The following CDH4 variants were observed in gnomAD, a reference collection of about 807,000 sequenced individuals.
CDH4 encodes the protein cadherin 4.
CDH4 carries 33 observed loss-of-function variants against 86.0 expected under a neutral mutation model. The ratio of observed to expected loss-of-function variants is 0.38; its 90% CI spans 0.29 to 0.51. The LOEUF (loss-of-function observed/expected upper bound fraction) is 0.51, where lower values mean the gene tolerates loss of function less well. Ranked by LOEUF, CDH4 falls within the 20% of genes least tolerant of loss-of-function variation. The probability of loss-of-function intolerance (pLI) is 0.86; values close to 1 mark genes in which losing one functional copy is unlikely to be tolerated. For synonymous variants in CDH4, 555 were observed against 549.4 expected, an observed-to-expected ratio of 1.01 and a Z score of -0.14; for missense variants, 1,114 against 1,307.4, an observed-to-expected ratio of 0.85 and a Z score of 2.28.
chr20:61,582,252 C>T lies in CDH4; in HGVS notation c.170-161311C>T, dbSNP rs8125490. Among the ~76,000 whole-genome samples the T allele has an allele frequency of 0.021, 3,155 of 152,346 alleles. 76 individuals carry two copies. The highest frequency in any genetic ancestry group is 0.057 in the African/African-American group (2,360 of 41,578). On this transcript the variant is annotated intron_variant, in intron 2 of 15. Coordinates refer to ENST00000614565, the MANE Select transcript of CDH4 (RefSeq NM_001794.5). This position sits in a 1 kb window ranked among gnomAD's most constrained non-coding sequence, Gnocchi z 4.2. The stretch of plus-strand genomic sequence containing the variant: ...CCCCACCTCCAATCACAGAGGCACA[C>T]GCGGCTTTGCCCTTGATTTTTGAGA...
intron 4 of CDH4, among the ~76,000 whole-genome samples, chr20:61,825,558 C>G (rs947039624): frequency 1.9e-4 from 29 of 152,300 alleles, no homozygotes; most frequent in Middle Eastern, 3.4e-3. Context: ...TCAGTTAATA[C>G]TCACCCAAAC....
At chr20:61,835,719 G>A (rs959890364) in intron 4 of CDH4, among the ~76,000 whole-genome samples, 8 of 152,174 alleles carry the variant, frequency 5.3e-5, no homozygotes, top group Admixed American at 2.0e-4. Flanking sequence ...TAACTTGTAC[G>A]AGAATCCCTG....
At chr20:61,539,045 G>A (rs1423942880) in intron 2 of CDH4, among the ~76,000 whole-genome samples, 1 of 152,170 alleles carries the variant, frequency 6.6e-6, no homozygotes, top group Non-Finnish European at 1.5e-5. Context: ...GAGGATCCCA[G>A]GGTTTGGGAT....
chr20:61,371,885 C>T (rs1006687797), intron 2 of CDH4, among the ~76,000 whole-genome samples: 18 of 152,220 alleles, frequency 1.2e-4, no homozygotes, highest in African/African-American at 4.1e-4. Context: ...ATCCGTCCCT[C>T]GCCCCTGGCC....
Position 61,918,588 on chromosome 20 carries a change from A to G in CDH4, c.1375-4863A>G, listed in dbSNP as rs141715234. 2.4e-3 allele frequency among the ~76,000 whole-genome samples: 358 copies of G among 152,288 alleles called. 4 individuals carry two copies. Among genetic ancestry groups the G allele is most frequent in the African/African-American group, 7.6e-3 (316 of 41,554 alleles). On this transcript the variant is annotated intron_variant, in intron 9 of 15. Coordinates refer to ENST00000614565, the MANE Select transcript of CDH4 (RefSeq NM_001794.5). ...CAGGGAGCCACGAGGCATCTCACTCAGGACTCAGGGAGGCTAGCAGGGACC... is the reference window on the plus strand; with the variant it reads ...CAGGGAGCCACGAGGCATCTCACTCGGGACTCAGGGAGGCTAGCAGGGACC...
At chr20:61,452,402 G>C (rs183944472) in intron 2 of CDH4, among the ~76,000 whole-genome samples, 2 of 152,306 alleles carry the variant, frequency 1.3e-5, no homozygotes, top group East Asian at 3.9e-4. Context: ...TTTCTGAAAA[G>C]ATTGCTAATC....
intron 2 of CDH4, among the ~76,000 whole-genome samples, chr20:61,486,857 C>T (rs2085599609): frequency 1.3e-5 from 2 of 152,108 alleles, no homozygotes; most frequent in South Asian, 4.2e-4. Flanking sequence ...TCACTGTACT[C>T]CATCCTGGGT....
intron 6 of CDH4, among the ~76,000 whole-genome samples, chr20:61,859,989 C>A (rs758466612): frequency 1.3e-5 from 2 of 152,254 alleles, no homozygotes; most frequent in Non-Finnish European, 2.9e-5. Flanking sequence ...TGGCCCCAGG[C>A]AAGCTCCTTC....
At chr20:61,468,991 A>G (rs2145566696) in intron 2 of CDH4, among the ~76,000 whole-genome samples, 1 of 152,144 alleles carries the variant, frequency 6.6e-6, no homozygotes, top group African/African-American at 2.4e-5. Context: ...CCAAATTTTG[A>G]CTGTTGGGAA....
chr20:61,748,744 A>G (rs1460616454), intron 3 of CDH4, among the ~76,000 whole-genome samples: 2 of 152,232 alleles, frequency 1.3e-5, no homozygotes, highest in Admixed American at 6.5e-5. Context: ...GGAAATAACA[A>G]ATTAATATTA....
chr20:61,649,742 A>C (rs1032717759), intron 2 of CDH4, among the ~76,000 whole-genome samples: 3 of 152,196 alleles, frequency 2.0e-5, no homozygotes, highest in African/African-American at 7.2e-5. Flanking sequence ...ATTAGCTTGC[A>C]AGAAGAGCAT....
chr20:61,691,009 A>G (rs1364241849), intron 2 of CDH4, among the ~76,000 whole-genome samples: 1 of 152,152 alleles, frequency 6.6e-6, no homozygotes, highest in Non-Finnish European at 1.5e-5. Context: ...GGTCGAGATG[A>G]ACTCACAGAA....
At chr20:61,700,909 CT>C (rs1394131083) in intron 2 of CDH4, among the ~76,000 whole-genome samples, 1 of 152,222 alleles carries the variant, frequency 6.6e-6, no homozygotes, top group Non-Finnish European at 1.5e-5. Context: ...CGGCTCCCCC[CT>C]TTTTTGCAGA....
chr20:61,720,276 C>T (rs1422185317), intron 2 of CDH4, among the ~76,000 whole-genome samples: 3 of 152,156 alleles, frequency 2.0e-5, no homozygotes, highest in Non-Finnish European at 2.9e-5. Flanking sequence ...CTATGGGCCG[C>T]ACCTCCTGGC....
At chr20:61,679,093 G>A (rs2087478065) in intron 2 of CDH4, among the ~76,000 whole-genome samples, 1 of 152,204 alleles carries the variant, frequency 6.6e-6, no homozygotes, top group Non-Finnish European at 1.5e-5. Flanking sequence ...CCGGAAGAGC[G>A]AACAGCACAC....
At chr20:61,569,822 T>C in intron 2 of CDH4, among the ~76,000 whole-genome samples, 1 of 152,348 alleles carries the variant, frequency 6.6e-6, no homozygotes, top group East Asian at 1.9e-4. Context: ...CTGCTGTTCC[T>C]GCAGAGCCCA....
At chr20:61,354,656 G>C (rs904270337) in intron 2 of CDH4, among the ~76,000 whole-genome samples, 1 of 152,376 alleles carries the variant, frequency 6.6e-6, no homozygotes, top group South Asian at 2.1e-4. Context: ...TGGCCTGGCA[G>C]TGTGGAGCCC....
At chr20:61,394,549 T>C (rs1371456877) in intron 2 of CDH4, among the ~76,000 whole-genome samples, 2 of 151,986 alleles carry the variant, frequency 1.3e-5, no homozygotes, top group African/African-American at 4.8e-5. Flanking sequence ...AGGTGACAGG[T>C]AGCACTTGTC....
chr20:61,778,841 C>T (rs572643852), intron 4 of CDH4, among the ~76,000 whole-genome samples: 4 of 152,308 alleles, frequency 2.6e-5, no homozygotes, highest in African/African-American at 9.6e-5. Flanking sequence ...GTTAGCAGGA[C>T]GCCCTCCCTG....
Sources: allele counts gnomAD v4.1 joint callset (sites outside exome capture counted in the v4.1 genomes callset), GRCh38; gene constraint gnomAD v4.1.1; non-coding constraint Gnocchi (gnomAD v3.1); transcripts MANE v1.5; gene names NCBI Gene and HGNC (gene_info 2026-07-23, HGNC 2026-07-21).